Variants in RASAL2 observed in about 807,000 individuals in gnomAD.
The protein encoded by RASAL2 is ras GTPase-activating protein nGAP.
RASAL2 carries 58 observed loss-of-function variants against 128.9 expected under a neutral mutation model. The ratio of observed to expected loss-of-function variants is 0.45; its 90% CI spans 0.36 to 0.56. RASAL2 has a LOEUF of 0.56. RASAL2 is among the 20% of genes least tolerant of loss of function. The pLI is 0.00. For synonymous variants in RASAL2, 561 were observed against 580.8 expected, an observed-to-expected ratio of 0.97 and a Z score of 0.49; for missense variants, 1,360 against 1,601.6, an observed-to-expected ratio of 0.85 and a Z score of 2.57.
At chr1:178,336,383 A>G (rs181145833) in intron 3 of RASAL2, among the ~76,000 whole-genome samples, 1 of 152,062 alleles carries the variant, frequency 6.6e-6, no homozygotes, top group Admixed American at 6.6e-5. Flanking sequence ...CATAAGATCT[A>G]TGCTTTTTCT....
chr1:178,114,141 A>G (rs1195691165), intron 1 of RASAL2, among the ~76,000 whole-genome samples: 1 of 152,078 alleles, frequency 6.6e-6, no homozygotes, highest in Admixed American at 6.5e-5. Flanking sequence ...GCAAATAAAG[A>G]TAGATTACTT....
chr1:178,419,300 G>A (rs1349855922), intron 4 of RASAL2, among the ~76,000 whole-genome samples: 3 of 151,962 alleles, frequency 2.0e-5, no homozygotes, highest in Admixed American at 1.3e-4. Flanking sequence ...TTGGGTTAGG[G>A]TTTCATTCTA....
chr1:178,170,361 T>C (rs1661666020), intron 1 of RASAL2, among the ~76,000 whole-genome samples: 1 of 151,792 alleles, frequency 6.6e-6, no homozygotes, highest in Non-Finnish European at 1.5e-5. Flanking sequence ...ATATTATATA[T>C]ATATATTTTG....
At chr1:178,162,573 T>C (rs996198097) in intron 1 of RASAL2, among the ~76,000 whole-genome samples, 1 of 129,426 alleles carries the variant, frequency 7.7e-6, no homozygotes, top group Non-Finnish European at 1.6e-5. Flanking sequence ...TTATATAAAA[T>C]ATATATAATA....
rs1672495700 is a variant in RASAL2, at chr1:178,385,228, G to A, written c.458-4872G>A. Among the ~76,000 whole-genome samples, 4 of 152,182 alleles carry A rather than the reference G, an allele frequency of 2.6e-5. No homozygotes were observed. In the South Asian group the frequency reaches 8.3e-4, roughly 32 times the overall value. On this transcript the variant is annotated intron_variant, in intron 3 of 17. Transcript: ENST00000367649. ...AGCACTTTGGGAGGCCAAGGCGAGT[G>A]GATCATTTGAGCCCAGGAGTTAGAG...
intron 4 of RASAL2, among the ~76,000 whole-genome samples, chr1:178,390,644 G>A (rs1358305942): frequency 6.6e-6 from 1 of 152,124 alleles, no homozygotes; most frequent in Non-Finnish European, 1.5e-5. Context: ...CTCCCAAAGT[G>A]TTGGGATTAC....
At chr1:178,162,423 T>G (rs1177966122) in intron 1 of RASAL2, among the ~76,000 whole-genome samples, 97 of 119,368 alleles carry the variant, frequency 8.1e-4, no homozygotes, top group African/African-American at 2.7e-3. Context: ...ATATATAATA[T>G]TATATATATT....
chr1:178,430,987 C>G (rs893979448), intron 5 of RASAL2, among the ~76,000 whole-genome samples: 15 of 151,458 alleles, frequency 9.9e-5, no homozygotes, highest in African/African-American at 3.6e-4. Context: ...ATAATTGAGT[C>G]AATTTATGAT....
chr1:178,291,931 A>T (rs916405781), intron 2 of RASAL2, among the ~76,000 whole-genome samples: 1 of 148,334 alleles, frequency 6.7e-6, no homozygotes, highest in Non-Finnish European at 1.5e-5. Context: ...GCTACTCGGG[A>T]GGCTGAGGCA....
At chr1:178,438,145 G>GT (rs1260262624) in intron 5 of RASAL2, among the ~76,000 whole-genome samples, 23 of 133,316 alleles carry the variant, frequency 1.7e-4, no homozygotes, top group Non-Finnish European at 2.5e-4. Flanking sequence ...TGTGTGTGTG[G>GT]AAAGAAGAAG....
chr1:178,403,385 G>A (rs1673774589), intron 4 of RASAL2, among the ~76,000 whole-genome samples: 1 of 152,152 alleles, frequency 6.6e-6, no homozygotes, highest in Non-Finnish European at 1.5e-5. Context: ...AAGCATTACA[G>A]AAATATGAAG....
At chr1:178,439,667 ATG>A in intron 6 of RASAL2, 92 bp downstream of exon 6, 3 of 1,145,794 alleles carry the variant, frequency 2.6e-6, no homozygotes, top group Non-Finnish European at 3.6e-6. Context: ...TGTACAGTTG[ATG>A]ATTTAATTAA....
At chr1:178,434,831 A>G (rs1437182001) in intron 5 of RASAL2, among the ~76,000 whole-genome samples, 4 of 152,168 alleles carry the variant, frequency 2.6e-5, no homozygotes, top group Admixed American at 2.0e-4. Context: ...GGCAAACATC[A>G]GTTGAAGATT....
intron 1 of RASAL2, among the ~76,000 whole-genome samples, chr1:178,110,336 C>G (rs1445679747): frequency 6.6e-6 from 1 of 151,750 alleles, no homozygotes; most frequent in Non-Finnish European, 1.5e-5. Flanking sequence ...TACCAAAATC[C>G]TCAGATGCTG....
chr1:178,233,757 CTT>C (rs1439756702), intron 1 of RASAL2, among the ~76,000 whole-genome samples: 1 of 152,186 alleles, frequency 6.6e-6, no homozygotes, highest in Non-Finnish European at 1.5e-5. Flanking sequence ...GCCAACTTCA[CTT>C]GGGTCAGTGG....
chr1:178,127,587 G>C (rs1659948054), intron 1 of RASAL2, among the ~76,000 whole-genome samples: 1 of 152,060 alleles, frequency 6.6e-6, no homozygotes, highest in African/African-American at 2.4e-5. Context: ...AGAATTACCT[G>C]ATAGAAACAA....
At chr1:178,148,921 A>G (rs1293896999) in intron 1 of RASAL2, among the ~76,000 whole-genome samples, 3 of 152,068 alleles carry the variant, frequency 2.0e-5, no homozygotes, top group African/African-American at 7.2e-5. Context: ...TTTCCCATCC[A>G]TCTTCTCTTT....
intron 1 of RASAL2, among the ~76,000 whole-genome samples, chr1:178,253,977 A>C (rs886696298): frequency 2.0e-4 from 31 of 152,174 alleles, no homozygotes; most frequent in African/African-American, 7.2e-4. Context: ...CTTCTATTCA[A>C]AACTATCCAA....
chr1:178,150,744 C>G (rs950080202), intron 1 of RASAL2, among the ~76,000 whole-genome samples: 7 of 152,040 alleles, frequency 4.6e-5, no homozygotes, highest in African/African-American at 1.7e-4. Flanking sequence ...TTTTTAACCC[C>G]CAAATCAATA....
Sources: allele counts gnomAD v4.1 joint callset (sites outside exome capture counted in the v4.1 genomes callset), GRCh38; gene constraint gnomAD v4.1.1; transcripts MANE v1.5; gene names NCBI Gene and HGNC (gene_info 2026-07-23, HGNC 2026-07-21).